Variants in PRELID2 observed in about 807,000 individuals in gnomAD.
PRELID2 encodes the protein PRELI domain containing 2.
A neutral mutation model predicts 28.4 loss-of-function variants in PRELID2; 25 were observed. That is an observed-to-expected ratio of 0.88 (90% CI 0.64 to 1.23). The LOEUF (loss-of-function observed/expected upper bound fraction) is 1.23. Among genes scored for constraint, PRELID2 ranks in the 50% most tolerant of loss-of-function variants. PRELID2 has a pLI of 0.00. For synonymous variants in PRELID2, 76 were observed against 71.6 expected, an observed-to-expected ratio of 1.06 and a Z score of -0.31; for missense variants, 201 against 214.4, an observed-to-expected ratio of 0.94 and a Z score of 0.39.
chr5:145,388,420 C>A, the PRELID2 span, among the ~76,000 whole-genome samples: 2 of 152,120 alleles, frequency 1.3e-5, no homozygotes, highest in Non-Finnish European at 2.9e-5. Flanking sequence ...AATGATATTT[C>A]TTTGTCCATT....
intron 1 of PRELID2, among the ~76,000 whole-genome samples, chr5:145,684,571 T>C (rs115625278): frequency 1.3e-5 from 2 of 152,352 alleles, no homozygotes; most frequent in African/African-American, 4.8e-5. Flanking sequence ...ATCCTCATAG[T>C]TGTTCTGTTA....
intron 5 of PRELID2, among the ~76,000 whole-genome samples, chr5:145,766,895 C>G (rs914211647): frequency 1.3e-4 from 20 of 152,274 alleles, no homozygotes; most frequent in African/African-American, 4.8e-4. Context: ...TCCCAAGAGT[C>G]TACCCAAGAG....
the PRELID2 span, among the ~76,000 whole-genome samples, chr5:145,307,945 G>C: frequency 6.6e-6 from 1 of 152,138 alleles, no homozygotes; most frequent in African/African-American, 2.4e-5. Flanking sequence ...CTGTCTGTTT[G>C]ACATACAGTT....
chr5:145,503,415 G>A (rs966776176), intron 1 of PRELID2, among the ~76,000 whole-genome samples: 17 of 152,092 alleles, frequency 1.1e-4, no homozygotes, highest in East Asian at 3.8e-4. Flanking sequence ...ACCACAGAAC[G>A]TGATATCAGT....
rs115370739 is a variant in PRELID2 at position 145,786,593 on chromosome 5, T to C, written c.474+9849A>G. On this transcript the variant is annotated intron_variant, in intron 5 of 6. Coordinates refer to ENST00000683046, the MANE Select transcript of PRELID2 (RefSeq NM_205846.3). The stretch of plus-strand genomic sequence containing the variant: ...ACCTTGATTACATCCCTGTGAAACC[T>C]TGAAACAGATCCAACTAAGCTGTGC... 3.3e-3 allele frequency among the ~76,000 whole-genome samples: 509 copies of C among 152,290 alleles called. 1 individual carries two copies. Among genetic ancestry groups the C allele is most frequent in the African/African-American group, 0.012 (484 of 41,570 alleles).
chr5:145,394,475 T>C, the PRELID2 span, among the ~76,000 whole-genome samples: 4 of 151,760 alleles, frequency 2.6e-5, no homozygotes, highest in Admixed American at 2.6e-4. Context: ...GTGATATACC[T>C]AATGCTAAAT....
At chr5:145,445,741 AACACACAC>A in the PRELID2 span, among the ~76,000 whole-genome samples, 45 of 149,112 alleles carry the variant, frequency 3.0e-4, no homozygotes, top group African/African-American at 6.7e-4. Flanking sequence ...TGTCTCACAA[AACACACAC>A]ACACACACAC....
At chr5:145,740,318 A>G (rs1217992507) in intron 1 of PRELID2, among the ~76,000 whole-genome samples, 9 of 97,828 alleles carry the variant, frequency 9.2e-5, no homozygotes, top group African/African-American at 3.0e-4. Context: ...ATATATATAT[A>G]TAAATCCTAA....
intron 1 of PRELID2, among the ~76,000 whole-genome samples, chr5:145,477,240 A>G (rs969367124): frequency 1.3e-5 from 2 of 152,154 alleles, no homozygotes; most frequent in African/African-American, 4.8e-5. Flanking sequence ...TGGATCCAGG[A>G]GCACAAAAGG....
the PRELID2 span, among the ~76,000 whole-genome samples, chr5:145,422,780 G>T: frequency 6.6e-6 from 1 of 151,678 alleles, no homozygotes; most frequent in Admixed American, 6.6e-5. Flanking sequence ...CTGTCATTAT[G>T]ATGTTAGCTG....
intron 4 of PRELID2, among the ~76,000 whole-genome samples, 174 bp from the exon 5 acceptor site, chr5:145,796,721 T>C (rs144045406): frequency 0.018 from 2,700 of 152,254 alleles, 67 homozygotes; most frequent in South Asian, 0.099. Flanking sequence ...ATAGTTTATA[T>C]AATATTAACA....
At chr5:145,685,247 C>T (rs958886094) in intron 1 of PRELID2, among the ~76,000 whole-genome samples, 5 of 152,150 alleles carry the variant, frequency 3.3e-5, no homozygotes, top group African/African-American at 1.2e-4. Context: ...CTTCCCATGG[C>T]CTCAAAGGCT....
the PRELID2 span, among the ~76,000 whole-genome samples, chr5:145,407,600 A>G: frequency 6.6e-6 from 1 of 152,210 alleles, no homozygotes; most frequent in Non-Finnish European, 1.5e-5. Flanking sequence ...AAACCCCAGT[A>G]CTTTTCTTGA....
At chr5:145,776,121 T>C (rs755666543) in intron 5 of PRELID2, among the ~76,000 whole-genome samples, 3 of 152,244 alleles carry the variant, frequency 2.0e-5, no homozygotes, top group Non-Finnish European at 4.4e-5. Flanking sequence ...CAGTCAACTG[T>C]GGTCCAAAAA....
intron 6 of PRELID2, among the ~76,000 whole-genome samples, chr5:145,764,683 T>C (rs1225237837): frequency 2.0e-5 from 3 of 152,212 alleles, no homozygotes; most frequent in Admixed American, 6.5e-5. Context: ...TCATGGTAGA[T>C]TGTGCAACAG....
the PRELID2 span, among the ~76,000 whole-genome samples, chr5:145,367,913 A>T: frequency 6.6e-6 from 1 of 151,906 alleles, no homozygotes; most frequent in African/African-American, 2.4e-5. Context: ...GCAAGTTTCC[A>T]TGTGAAATAA....
the PRELID2 span, among the ~76,000 whole-genome samples, chr5:145,460,237 G>T: frequency 1.3e-5 from 2 of 151,970 alleles, no homozygotes; most frequent in Non-Finnish European, 2.9e-5. Context: ...TTTCAGGTTG[G>T]GCCAGTTATT....
At chr5:145,671,628 C>T (rs368306060) in intron 1 of PRELID2, among the ~76,000 whole-genome samples, 213 of 152,280 alleles carry the variant, frequency 1.4e-3, no homozygotes, top group African/African-American at 5.0e-3. Flanking sequence ...ATAAACAATT[C>T]ACCAGCATTC....
chr5:145,721,505 C>A (rs148907228), intron 1 of PRELID2, among the ~76,000 whole-genome samples: 4 of 152,108 alleles, frequency 2.6e-5, no homozygotes, highest in African/African-American at 9.6e-5. Context: ...AAGAGCAAAG[C>A]AAACACATCA....
Sources: allele counts gnomAD v4.1 joint callset (sites outside exome capture counted in the v4.1 genomes callset), GRCh38; gene constraint gnomAD v4.1.1; transcripts MANE v1.5; gene names NCBI Gene and HGNC (gene_info 2026-07-23, HGNC 2026-07-21).